Variants in PDE5A observed in about 807,000 individuals in gnomAD.
The protein encoded by PDE5A is cGMP-specific 3',5'-cyclic phosphodiesterase.
PDE5A carries 67 observed loss-of-function variants against 110.2 expected under a neutral mutation model. The ratio of observed to expected loss-of-function variants is 0.61; its 90% CI spans 0.50 to 0.75. PDE5A has a LOEUF of 0.75. Among genes scored for constraint, PDE5A ranks in the 30% least tolerant of loss-of-function variants. The pLI is 0.00. For missense variants in PDE5A, 862 were observed against 1,045.1 expected (o/e 0.82, Z 2.42); for synonymous variants, 328 against 351.2 (o/e 0.93, Z 0.74).
intron 1 of PDE5A, among the ~76,000 whole-genome samples, chr4:119,621,198 T>C (rs1560646597): frequency 6.6e-6 from 1 of 152,234 alleles, no homozygotes; most frequent in Non-Finnish European, 1.5e-5. Context: ...AAGTCAACAC[T>C]AGTTATGGTA....
intron 20 of PDE5A, among the ~76,000 whole-genome samples, chr4:119,500,650 A>ATAAG (rs1235885165): frequency 6.6e-6 from 1 of 152,156 alleles, no homozygotes; most frequent in Non-Finnish European, 1.5e-5. Context: ...ATCTAAACTA[A>ATAAG]TAAGTTAGAT....
chr4:119,615,978 C>A (rs892122311), intron 1 of PDE5A, among the ~76,000 whole-genome samples: 9 of 152,176 alleles, frequency 5.9e-5, no homozygotes, highest in Non-Finnish European at 1.0e-4. Flanking sequence ...TACATCACAT[C>A]CATATCTTCC....
chr4:119,598,998 C>A (rs1388920206), intron 2 of PDE5A, among the ~76,000 whole-genome samples: 1 of 152,092 alleles, frequency 6.6e-6, no homozygotes, highest in East Asian at 1.9e-4. Context: ...TGTTTGGAGA[C>A]AATGGAGTTC....
chr4:119,532,338 C>A (rs1726571903), intron 11 of PDE5A, among the ~76,000 whole-genome samples: 1 of 152,008 alleles, frequency 6.6e-6, no homozygotes. Flanking sequence ...AGTGGAATAA[C>A]AGAAGGAAGT....
chr4:119,531,890 C>T (rs1470156991), intron 11 of PDE5A, among the ~76,000 whole-genome samples: 2 of 151,732 alleles, frequency 1.3e-5, no homozygotes, highest in Non-Finnish European at 2.9e-5. Context: ...ACCTAGGTAT[C>T]TCTCTCTCTC....
intron 11 of PDE5A, among the ~76,000 whole-genome samples, chr4:119,527,788 A>C (rs557892764): frequency 1.2e-4 from 18 of 151,280 alleles, no homozygotes; most frequent in Non-Finnish European, 2.4e-4. Context: ...CCTAACAGAA[A>C]GAACATATTT....
chr4:119,567,550 C>T (rs985816464), intron 3 of PDE5A, among the ~76,000 whole-genome samples: 11 of 152,060 alleles, frequency 7.2e-5, no homozygotes, highest in Admixed American at 2.0e-4. Context: ...TCCAAAACGG[C>T]TAAATGCTCT....
At position 119,627,983 on chromosome 4, in the gene PDE5A, A is replaced by G. The variant is rs2953290; in HGVS notation, c.152+537T>C. ...AGGAGACTGGAAGGGGGGAAAAGGC[A>G]ACCGCACTCACTTTGGCAAGGTTCC... On this transcript the variant is annotated intron_variant, in intron 1 of 20. Transcript: ENST00000354960. This position sits in a 1 kb window ranked among gnomAD's most constrained non-coding sequence, Gnocchi z 4.6. The G allele has an allele frequency of 0.96, 916,620 of 952,954 alleles. 441,003 individuals are homozygous for G. The highest frequency in any genetic ancestry group is 0.97 in the Non-Finnish European group (774,334 of 800,208). 59.0% of individuals were successfully genotyped at this position (952,954 alleles called of 1,614,324 possible). A position where few individuals can be genotyped will look rare whatever the true frequency, so the allele number is the denominator to read the frequency against.
At chr4:119,587,706 T>C (rs943368556) in intron 3 of PDE5A, among the ~76,000 whole-genome samples, 1 of 152,158 alleles carries the variant, frequency 6.6e-6, no homozygotes, top group Non-Finnish European at 1.5e-5. Flanking sequence ...TTCAAAAACA[T>C]GTAACTAGCC....
Position 119,627,530 on chromosome 4 carries a change from G to C in PDE5A, c.152+990C>G, listed in dbSNP as rs532920134. 1 of 153,630 alleles carries C rather than the reference G, an allele frequency of 6.5e-6. No homozygotes were observed. Among genetic ancestry groups the C allele is most frequent in the Non-Finnish European group, 1.4e-5 (1 of 69,288 alleles). The allele number at this position is 153,630 out of a possible 1,614,324, so 9.5% of individuals were successfully genotyped here. ...CCCAGAGCAGGCGGCAGCGGGGCAC[G>C]GACTCTTTCTGCAAAGGGGCGCGTC... On this transcript the variant is annotated intron_variant, in intron 1 of 20. Transcript: ENST00000354960. This position sits in a 1 kb window ranked among gnomAD's most constrained non-coding sequence, Gnocchi z 4.6.
intron 1 of PDE5A, among the ~76,000 whole-genome samples, chr4:119,622,749 T>G (rs1325060147): frequency 6.6e-6 from 1 of 151,290 alleles, no homozygotes; most frequent in Non-Finnish European, 1.5e-5. Flanking sequence ...GGTGGGCACC[T>G]GTGGTCCCAG....
intron 14 of PDE5A, chr4:119,513,108 C>G (rs543028999): frequency 6.6e-6 from 1 of 152,134 alleles, no homozygotes; most frequent in Non-Finnish European, 1.5e-5. Context: ...GTTTCATGCA[C>G]GCTTTAACAG....
At chr4:119,529,595 A>C (rs947276496) in intron 11 of PDE5A, among the ~76,000 whole-genome samples, 2 of 152,178 alleles carry the variant, frequency 1.3e-5, no homozygotes, top group Non-Finnish European at 2.9e-5. Context: ...TTCTGCTAGC[A>C]GCTTTCTGAC....
At chr4:119,558,144 A>T (rs934211744) in intron 7 of PDE5A, among the ~76,000 whole-genome samples, 38 of 152,224 alleles carry the variant, frequency 2.5e-4, no homozygotes, top group African/African-American at 8.7e-4. Flanking sequence ...AAACTCTAAA[A>T]CTTCCCACCA....
intron 3 of PDE5A, among the ~76,000 whole-genome samples, chr4:119,592,484 A>T (rs2110532639): frequency 7.5e-6 from 1 of 134,114 alleles, no homozygotes; most frequent in East Asian, 2.2e-4. Flanking sequence ...AAAAAAAAAA[A>T]AAAGCTGTGT....
rs1207208477 is a variant in PDE5A, at chr4:119,495,332, T to C, written c.*3269A>G. On this transcript the variant is annotated 3_prime_UTR_variant, in exon 21 of 21. Transcript: ENST00000354960. ...CAGGACTCAATAAAAGGTGGGTCAG[T>C]GTATTTCTGATACAAAACAATTAAA... 6.6e-6 allele frequency: 1 copy of C among 152,132 alleles called. No individual in the cohort carries two copies. The highest frequency in any genetic ancestry group is 1.5e-5 in the Non-Finnish European group (1 of 68,022). The allele number at this position is 152,132 out of a possible 1,614,324, so 9.4% of individuals were successfully genotyped here. A position where few individuals can be genotyped will look rare whatever the true frequency, so the allele number is the denominator to read the frequency against.
At position 119,627,340 on chromosome 4, in the gene PDE5A, C is replaced by T. The variant is rs1439271430; in HGVS notation, c.152+1180G>A. The T allele has an allele frequency of 7.5e-6, 8 of 1,071,518 alleles. No homozygotes were observed. The highest frequency in any genetic ancestry group is 9.1e-6 in the Non-Finnish European group (8 of 882,828). 66.4% of individuals were successfully genotyped at this position (1,071,518 alleles called of 1,614,324 possible). Reference sequence around the variant, plus strand: ...CGCCGCCCGTCGCCTCCCGCTCGCCCCGCGCTGCGCCGCCCCCTGGCGGGG... The same window carrying T: ...CGCCGCCCGTCGCCTCCCGCTCGCCTCGCGCTGCGCCGCCCCCTGGCGGGG... On this transcript the variant is annotated intron_variant, in intron 1 of 20. Coordinates refer to ENST00000354960, the MANE Select transcript of PDE5A (RefSeq NM_001083.4). The surrounding 1 kb of genome is among the most constrained non-coding windows in gnomAD (Gnocchi z 4.6).
At chr4:119,573,690 G>A (rs1314242523) in intron 3 of PDE5A, among the ~76,000 whole-genome samples, 3 of 152,132 alleles carry the variant, frequency 2.0e-5, no homozygotes, top group African/African-American at 7.2e-5. Context: ...TGGGGGATGA[G>A]ACAAGGATAA....
chr4:119,607,258 G>A lies in PDE5A; in HGVS notation c.192C>T (p.Thr64=). ...VNAWFAERVH[T]IPVCKEGIRG... is the part of the protein sequence containing the mutation. ...TGATACCTTCCTTGCACACAGGGAT[G>A]GTGTGAACTCTCTCAGCAAACCATG... The change falls in exon 2 of 21, where the codon ACC becomes ACT. Residue 64 remains threonine, a synonymous_variant. Coordinates refer to ENST00000354960, the MANE Select transcript of PDE5A (RefSeq NM_001083.4). 1.2e-6 allele frequency: 2 copies of A among 1,613,032 alleles called. No individual in the cohort carries two copies. The highest frequency in any genetic ancestry group is 8.5e-7 in the Non-Finnish European group (1 of 1,179,932).
Sources: gnomAD v4.1 joint callset for allele counts (sites outside exome capture counted in the v4.1 genomes callset) on GRCh38, gnomAD v4.1.1 for gene constraint, Gnocchi (gnomAD v3.1) non-coding constraint, MANE v1.5 for transcripts, NCBI Gene and HGNC (gene_info 2026-07-23, HGNC 2026-07-21) for gene names.